DIP2C: variants seen among roughly 807,000 people sequenced by gnomAD.
The protein encoded by DIP2C is DIP2 acetate--CoA ligase C (putative).
In DIP2C, 33 loss-of-function variants were observed where a neutral mutation model predicts 192.4. The ratio of observed to expected loss-of-function variants is 0.17; its 90% CI spans 0.13 to 0.23. The LOEUF (loss-of-function observed/expected upper bound fraction) is 0.23. DIP2C is among the 10% of genes least tolerant of loss of function. The pLI is 1.00. For synonymous variants in DIP2C, 979 were observed against 864.1 expected (o/e 1.13, Z -2.33); for missense variants, 1,537 against 2,110.1 (o/e 0.73, Z 5.32).
chr10:383,896 A>G (rs960356336), intron 16 of DIP2C, 131 bp downstream of exon 16: 9 of 1,277,954 alleles, frequency 7.0e-6, no homozygotes, highest in Non-Finnish European at 9.1e-6. Context: ...AGAAAAAGAA[A>G]AATCAAAGTG....
intron 1 of DIP2C, among the ~76,000 whole-genome samples, chr10:612,961 T>C (rs1451147456): frequency 1.3e-5 from 2 of 152,010 alleles, no homozygotes; most frequent in Non-Finnish European, 2.9e-5. Context: ...TCCCAGTGGG[T>C]GTGCACGTTG....
intron 1 of DIP2C, among the ~76,000 whole-genome samples, chr10:506,067 G>T (rs1256524659): frequency 6.6e-6 from 1 of 152,200 alleles, no homozygotes; most frequent in Non-Finnish European, 1.5e-5. Context: ...GGGAGTGCTG[G>T]TATGTGCTGC....
At chr10:349,254 G>C (rs1958671288) in intron 25 of DIP2C, 77 bp downstream of exon 25, 2 of 1,546,172 alleles carry the variant, frequency 1.3e-6, no homozygotes, top group African/African-American at 1.4e-5. Flanking sequence ...TCAGGCACCA[G>C]CGGGTGTAAG....
rs532496268 is a variant in DIP2C, at chr10:615,462, C to CT, written c.85+74031_85+74032insA. Among the ~76,000 whole-genome samples, 5 of 152,288 alleles carry CT rather than the reference C, an allele frequency of 3.3e-5. No homozygotes were observed. In the South Asian group the frequency reaches 1.0e-3, roughly 32 times the overall value. ...ATTTGAACTTTCGCCACTGAGGAAT[C>CT]AGTCATTTACAGTCACTCACCCTCA... On this transcript the variant is annotated intron_variant, in intron 1 of 36. Transcript: ENST00000280886.
In DIP2C at chr10:417,620, GCGCC is replaced by G. The variant is rs1564684235; in HGVS notation, c.739+1441_739+1444del. ...CTAGGATAGGCATCCCTGTCTGCCT[GCGCC>G]TGTCAGGGCTCGGATAGGCCTCCCT... On this transcript the variant is annotated intron_variant, in intron 6 of 36. Coordinates refer to ENST00000280886, the MANE Select transcript of DIP2C (RefSeq NM_014974.3). 8.1e-4 allele frequency among the ~76,000 whole-genome samples: 122 copies of G among 149,724 alleles called. 2 individuals are homozygous for G. Among genetic ancestry groups the G allele is most frequent in the African/African-American group, 2.3e-3 (91 of 39,924 alleles).
intron 1 of DIP2C, among the ~76,000 whole-genome samples, chr10:512,125 A>C (rs816581): frequency 6.6e-6 from 1 of 152,248 alleles, no homozygotes; most frequent in Non-Finnish European, 1.5e-5. Context: ...CTTCCTAAGC[A>C]ATGTCGTGTT....
chr10:367,372 G>C (rs1019616468), intron 18 of DIP2C, among the ~76,000 whole-genome samples: 8 of 151,018 alleles, frequency 5.3e-5, no homozygotes, highest in Admixed American at 1.3e-4. Context: ...AACCGAGATC[G>C]CGCCACTGCA....
At chr10:304,336 G>C (rs1956204572) in intron 32 of DIP2C, among the ~76,000 whole-genome samples, 1 of 152,022 alleles carries the variant, frequency 6.6e-6, no homozygotes, top group African/African-American at 2.4e-5. Context: ...CTCTCATTTA[G>C]GGGACACTGT....
intron 5 of DIP2C, among the ~76,000 whole-genome samples, chr10:419,421 T>G (rs1966024350): frequency 6.6e-6 from 1 of 152,198 alleles, no homozygotes; most frequent in Admixed American, 6.5e-5. Flanking sequence ...CGGTAAAACC[T>G]CAGACGTAAT....
At chr10:572,181 C>CA (rs1849862010) in intron 1 of DIP2C, among the ~76,000 whole-genome samples, 1 of 152,212 alleles carries the variant, frequency 6.6e-6, no homozygotes, top group Non-Finnish European at 1.5e-5. Flanking sequence ...CTCATGGCTC[C>CA]ACACGCCAGT....
In DIP2C at chr10:424,355, G is replaced by GTTTTTTTTTTTTT. The variant is rs557255878; in HGVS notation, c.395-1335_395-1323dup. ...GCCTGAAAATTCTCTATCACCTTGG[G>GTTTTTTTTTTTTT]TTTTTTTTTTTTTTTTTTTTTTTTT... On this transcript the variant is annotated intron_variant, in intron 4 of 36. Transcript: ENST00000280886. 4.1e-3 allele frequency among the ~76,000 whole-genome samples: 344 copies of GTTTTTTTTTTTTT among 83,134 alleles called. 14 individuals carry two copies. Among genetic ancestry groups the GTTTTTTTTTTTTT allele is most frequent in the African/African-American group, 0.014 (320 of 22,160 alleles). 54.5% of individuals were successfully genotyped at this position (83,134 alleles called of 152,430 possible).
At chr10:649,211 G>C (rs542756428) in intron 1 of DIP2C, among the ~76,000 whole-genome samples, 1 of 150,412 alleles carries the variant, frequency 6.6e-6, no homozygotes, top group East Asian at 2.0e-4. Flanking sequence ...GGAGAGAACA[G>C]AGGGAAACTG....
intron 1 of DIP2C, among the ~76,000 whole-genome samples, chr10:570,117 G>A (rs1047052804): frequency 6.6e-6 from 1 of 152,174 alleles, no homozygotes; most frequent in South Asian, 2.1e-4. Context: ...GATAGTCATA[G>A]CACTGCACAA....
chr10:518,330 C>T (rs1401146970), intron 1 of DIP2C, among the ~76,000 whole-genome samples: 3 of 152,248 alleles, frequency 2.0e-5, no homozygotes, highest in African/African-American at 4.8e-5. Flanking sequence ...AAAGCAGCTC[C>T]GATTGATGCT....
At chr10:573,518 C>T (rs1554740717) in intron 1 of DIP2C, among the ~76,000 whole-genome samples, 1 of 152,190 alleles carries the variant, frequency 6.6e-6, no homozygotes, top group Non-Finnish European at 1.5e-5. Context: ...AAGCGATTCT[C>T]TTACTTCAGC....
chr10:376,399 C>A (rs748017297), intron 17 of DIP2C, among the ~76,000 whole-genome samples: 1 of 151,866 alleles, frequency 6.6e-6, no homozygotes, highest in Non-Finnish European at 1.5e-5. Flanking sequence ...ACGACGTTCC[C>A]TGTGCTGGCG....
At chr10:640,694 A>T in intron 1 of DIP2C, among the ~76,000 whole-genome samples, 1 of 148,378 alleles carries the variant, frequency 6.7e-6, no homozygotes, top group South Asian at 2.2e-4. Flanking sequence ...CGCGGGGAAG[A>T]GGCTGCGCGC....
Position 364,455 on chromosome 10 carries a change from A to G in DIP2C, c.2396T>C (p.Val799Ala). Residue 799 changes from valine (V) to alanine (A), a missense_variant, in exon 20 of 37, where the codon GTC becomes GCC. By Grantham distance (64) the Val-to-Ala change is moderately conservative. This residue lies in a region of DIP2C where 677 missense variants were observed against 989.9 expected (regional missense o/e 0.68). Transcript: ENST00000280886. ...GTCGGCGTTGTGCCTGCGCCCGCTG[A>G]CCACCATGAGGCCATCCATCTTGCC... is the stretch of plus-strand genomic sequence containing the variant. ...VVGKMDGLMV[V>A]SGRRHNADDI... The G allele has an allele frequency of 6.2e-7, 1 of 1,614,122 alleles. No individual in the cohort carries two copies. Among genetic ancestry groups the G allele is most frequent in the Non-Finnish European group, 8.5e-7 (1 of 1,180,034 alleles).
intron 1 of DIP2C, among the ~76,000 whole-genome samples, chr10:572,886 C>T (rs956041322): frequency 1.3e-5 from 2 of 152,136 alleles, no homozygotes; most frequent in African/African-American, 4.8e-5. Context: ...GCGGGACTCG[C>T]TAAACAGGCA....
Sources: allele counts gnomAD v4.1 joint callset (sites outside exome capture counted in the v4.1 genomes callset), GRCh38; gene constraint gnomAD v4.1.1; regional missense constraint gnomAD v4.1.1; transcripts MANE v1.5; gene names NCBI Gene and HGNC (gene_info 2026-07-23, HGNC 2026-07-21).